The following TLN1 variants were observed in gnomAD, a reference collection of about 807,000 sequenced individuals.
TLN1 encodes talin 1, also known as talin-1.
A neutral mutation model predicts 292.3 loss-of-function variants in TLN1; 56 were observed. The ratio of observed to expected loss-of-function variants is 0.19; its 90% CI spans 0.15 to 0.24. The LOEUF (loss-of-function observed/expected upper bound fraction) is 0.24, where lower values mean the gene tolerates loss of function less well. TLN1 is among the 10% of genes least tolerant of loss of function. The pLI is 1.00. For synonymous variants in TLN1, 1,119 were observed against 1,253.7 expected, an observed-to-expected ratio of 0.89 and a Z score of 2.27; for missense variants, 2,433 against 3,248.2, an observed-to-expected ratio of 0.75 and a Z score of 6.10.
intron 48 of TLN1, among the ~76,000 whole-genome samples, chr9:35,702,427 A>G (rs1352744076): frequency 6.6e-6 from 1 of 152,220 alleles, no homozygotes; most frequent in Admixed American, 6.5e-5. Context: ...AGGTGATTCA[A>G]TGACGTTCGA....
chr9:35,720,601 TC>T, intron 11 of TLN1, 92 bp from the exon 12 acceptor site: 1 of 1,323,646 alleles, frequency 7.6e-7, no homozygotes, highest in South Asian at 1.3e-5. Flanking sequence ...CCAGCCATTT[TC>T]CAGAAGCTGA....
chr9:35,731,108 C>T (rs563023196), intron 1 of TLN1, among the ~76,000 whole-genome samples: 1 of 152,098 alleles, frequency 6.6e-6, no homozygotes, highest in Admixed American at 6.5e-5. Flanking sequence ...AAAGCCAGAA[C>T]GCTAGCCTGA....
rs1462004523 is a variant in TLN1 at position 35,709,532 on chromosome 9, G to T, written c.4326+1029C>A. On this transcript the variant is annotated intron_variant, in intron 33 of 56. Transcript: ENST00000314888. ...GGTAGTTTTATACTTGATAATGTGG[G>T]AAAAGGCAAAGTTAAGTGATAACTC... Among the ~76,000 whole-genome samples, 77 of 152,156 alleles carry T rather than the reference G, an allele frequency of 5.1e-4. 3 individuals are homozygous for T. Among genetic ancestry groups the T allele is most frequent in the Admixed American group, 5.0e-3 (77 of 15,270 alleles).
At chr9:35,713,074 A>G in intron 26 of TLN1, 31 bp from the exon 27 acceptor site, 2 of 1,580,860 alleles carry the variant, frequency 1.3e-6, no homozygotes, top group Non-Finnish European at 1.7e-6. Context: ...AGGGAAGGGA[A>G]GGTGCTTTCA....
chr9:35,723,065 A>C (rs1825904537), intron 7 of TLN1, 144 bp from the exon 8 acceptor site: 1 of 627,732 alleles, frequency 1.6e-6, no homozygotes, highest in African/African-American at 1.9e-5. Context: ...AATAGAGTCT[A>C]GATTATCTTC....
At position 35,704,928 on chromosome 9, in the gene TLN1, A is replaced by C. The variant is rs373796188; in HGVS notation, c.5734-113T>G. ...AAAAAACATGCATTGTAGACTAAAG[A>C]AGCAGAGAGAGAAGGTTCCCAGCAC... On this transcript the variant is annotated intron_variant, in intron 43 of 56. Coordinates refer to ENST00000314888, the MANE Select transcript of TLN1 (RefSeq NM_006289.4). The surrounding 1 kb of genome is among the most constrained non-coding windows in gnomAD (Gnocchi z 6.9). The C allele has an allele frequency of 2.3e-6, 3 of 1,282,104 alleles. No individual in the cohort carries two copies. Among genetic ancestry groups the C allele is most frequent in the East Asian group, 2.4e-5 (1 of 41,002 alleles). 79.4% of individuals were successfully genotyped at this position (1,282,104 alleles called of 1,614,324 possible).
chr9:35,706,562 A>C lies in TLN1; in HGVS notation c.5089-11T>G, dbSNP rs1825568675. 6.2e-7 allele frequency: 1 copy of C among 1,613,374 alleles called. No homozygotes were observed. Among genetic ancestry groups the C allele is most frequent in the African/African-American group, 1.3e-5 (1 of 75,012 alleles). ...CTGAGTGTGCAAGGCCTGGGGAGGA[A>C]GTGGACATTAGCCCTGATGGTGACC... On this transcript the variant is annotated splice_polypyrimidine_tract_variant and intron_variant, in intron 38 of 56. Transcript: ENST00000314888. This position sits in a 1 kb window ranked among gnomAD's most constrained non-coding sequence, Gnocchi z 4.2.
chr9:35,706,511 G>A lies in TLN1; in HGVS notation c.5129C>T (p.Ser1710Phe), dbSNP rs1329618657. The A allele has an allele frequency of 2.5e-6, 4 of 1,614,094 alleles. No individual in the cohort carries two copies. The Admixed American group carries it at 6.7e-5, about 27-fold the overall frequency. The change falls in exon 39 of 57, where the codon TCC (serine) becomes TTC (phenylalanine). Residue 1710 changes from serine to phenylalanine, a missense_variant. Ser to Phe is a radical substitution (Grantham distance 155). Transcript: ENST00000314888. This position sits in a 1 kb window ranked among gnomAD's most constrained non-coding sequence, Gnocchi z 4.2. ...ATTGGCCAGCGGCTCAATGAGATGG[G>A]AGATCTCTTGGACTGCAGTGAGCAT... The part of the protein sequence containing the change: ...TQMLTAVQEI[S>F]HLIEPLANAA...
chr9:35,720,447 T>C lies in TLN1; in HGVS notation c.1269A>G (p.Ser423=), dbSNP rs1563945971. The C allele has an allele frequency of 2.5e-6, 4 of 1,614,092 alleles. No individual in the cohort carries two copies. The highest frequency in any genetic ancestry group is 3.4e-6 in the Non-Finnish European group (4 of 1,179,988). The part of the protein sequence containing the change: ...GDEESTMLED[S]VSPKKSTVLQ... ...TCCCTTCGTACTTTTTGGGGGACAC[T>C]GAGTCCTCCAGCATAGTAGACTCCT... The change falls in exon 12 of 57, where the codon TCA becomes TCG. Residue 423 remains serine (S), a synonymous_variant. Transcript: ENST00000314888.
chr9:35,706,906 G>C lies in TLN1; in HGVS notation c.4956-6C>G. ...GCTGCCCTGGAGCCTTGTCCCTGCA[G>C]ACACATCATGGGCTCCAACACCAAG... On this transcript the variant is annotated splice_polypyrimidine_tract_variant and splice_region_variant and intron_variant, in intron 37 of 56. Transcript: ENST00000314888. This position sits in a 1 kb window ranked among gnomAD's most constrained non-coding sequence, Gnocchi z 4.2. The C allele has an allele frequency of 6.2e-7, 1 of 1,613,684 alleles. No individual in the cohort carries two copies. The highest frequency in any genetic ancestry group is 8.5e-7 in the Non-Finnish European group (1 of 1,179,920).
At chr9:35,721,496 C>G in intron 10 of TLN1, 152 bp downstream of exon 10, 1 of 767,262 alleles carries the variant, frequency 1.3e-6, no homozygotes, top group Non-Finnish European at 2.0e-6. Flanking sequence ...AAGCCTCACA[C>G]TCTCCCAGAG....
rs144879123 is a variant in TLN1, at chr9:35,700,020, C to T, written c.6722G>A (p.Arg2241Gln). The change falls in exon 50 of 57, where the codon CGG becomes CAG. Residue 2241 changes from arginine to glutamine, a missense_variant. By Grantham distance (43) the Arg-to-Gln change is conservative. Around this residue, in one of 7 missense-constraint regions of TLN1, gnomAD observed 1,384 missense variants for 1,699.6 expected, o/e 0.81. Coordinates refer to ENST00000314888, the MANE Select transcript of TLN1 (RefSeq NM_006289.4). The stretch of plus-strand genomic sequence containing the variant: ...TTCCAGGTAGCCATTGGCACACTCC[C>T]GGCCATAGTGCAGGGCTCGAAGCCG... ...DVRLRALHYG[R>Q]ECANGYLELL... The T allele has an allele frequency of 3.6e-5, 58 of 1,613,448 alleles. No homozygotes were observed. The highest frequency in any genetic ancestry group is 1.1e-4 in the African/African-American group (8 of 74,872).
intron 20 of TLN1, among the ~76,000 whole-genome samples, 200 bp downstream of exon 20, chr9:35,716,190 T>TTA (rs1338046113): frequency 4.4e-5 from 5 of 112,428 alleles, no homozygotes; most frequent in Non-Finnish European, 9.1e-5. Flanking sequence ...ACCACATCTT[T>TTA]AAAAAAAAAA....
At chr9:35,722,968 G>A in intron 7 of TLN1, 47 bp from the exon 8 acceptor site, 3 of 1,572,148 alleles carry the variant, frequency 1.9e-6, no homozygotes, top group Non-Finnish European at 2.6e-6. Flanking sequence ...AGCATCAGGG[G>A]ACATGTGGGC....
intron 25 of TLN1, among the ~76,000 whole-genome samples, 174 bp downstream of exon 25, chr9:35,713,775 AGAAG>A (rs1012779029): frequency 2.6e-5 from 4 of 151,726 alleles, no homozygotes; most frequent in Non-Finnish European, 5.9e-5. Context: ...GAAGGAAGAA[AGAAG>A]GAAGGAGAGA....
chr9:35,708,115 T>C (rs1019557610), intron 34 of TLN1: 7 of 714,472 alleles, frequency 9.8e-6, no homozygotes, highest in African/African-American at 7.1e-5. Flanking sequence ...TAAGAGGGCA[T>C]GTGGGAGAGT....
Position 35,707,512 on chromosome 9 carries a change from A to G in TLN1, c.4633-24T>C. ...GCCTAGAAGTGACAGAGAGGCTCTC[A>G]GGACTTGGGATGCAGTCATAGGGGG... On this transcript the variant is annotated intron_variant, in intron 35 of 56. Transcript: ENST00000314888. The surrounding 1 kb of genome is among the most constrained non-coding windows in gnomAD (Gnocchi z 5.6). 6.2e-7 allele frequency: 1 copy of G among 1,612,358 alleles called. No individual in the cohort carries two copies. Among genetic ancestry groups the G allele is most frequent in the Non-Finnish European group, 8.5e-7 (1 of 1,178,730 alleles).
Position 35,719,921 on chromosome 9 carries a change from C to G in TLN1, c.1465-68G>C. ...GGAGAAAAGAGAAGGTAAAAGAGAACCAGGGTCTAGGGAGAGAATACAAAT... is the reference window on the plus strand; with the variant it reads ...GGAGAAAAGAGAAGGTAAAAGAGAAGCAGGGTCTAGGGAGAGAATACAAAT... On this transcript the variant is annotated intron_variant, in intron 13 of 56. Coordinates refer to ENST00000314888, the MANE Select transcript of TLN1 (RefSeq NM_006289.4). The surrounding 1 kb of genome is among the most constrained non-coding windows in gnomAD (Gnocchi z 4.6). The G allele has an allele frequency of 6.3e-7, 1 of 1,576,526 alleles. No homozygotes were observed. Among genetic ancestry groups the G allele is most frequent in the Non-Finnish European group, 8.6e-7 (1 of 1,157,652 alleles).
At chr9:35,713,147 T>G (rs747115065) in intron 26 of TLN1, 49 bp downstream of exon 26, 3 of 1,579,076 alleles carry the variant, frequency 1.9e-6, no homozygotes, top group Non-Finnish European at 2.6e-6. Context: ...GCTCCCATTT[T>G]CCTACCTCCC....
Sources: gnomAD v4.1 joint callset for allele counts (sites outside exome capture counted in the v4.1 genomes callset) on GRCh38, gnomAD v4.1.1 for gene constraint, gnomAD v4.1.1 regional missense constraint, Gnocchi (gnomAD v3.1) non-coding constraint, MANE v1.5 for transcripts, NCBI Gene and HGNC (gene_info 2026-07-23, HGNC 2026-07-21) for gene names.